Variants in ST7 observed in about 807,000 individuals in gnomAD.
The protein encoded by ST7 is suppression of tumorigenicity 7, also known as suppressor of tumorigenicity 7 protein.
ST7 carries 28 observed loss-of-function variants against 78.7 expected under a neutral mutation model. The ratio of observed to expected loss-of-function variants is 0.36; its 90% confidence interval spans 0.26 to 0.49. The LOEUF is 0.49. Among genes scored for constraint, ST7 ranks in the 20% least tolerant of loss-of-function variants. The pLI, the probability that ST7 is intolerant of heterozygous loss-of-function variation, is 0.99. For synonymous variants in ST7, 247 were observed against 249.6 expected (o/e 0.99, Z 0.10); for missense variants, 418 against 696.0 (o/e 0.60, Z 4.49).
At chr7:116,990,312 T>TA (rs1794369095) in intron 1 of ST7, among the ~76,000 whole-genome samples, 1 of 152,104 alleles carries the variant, frequency 6.6e-6, no homozygotes, top group African/African-American at 2.4e-5. Flanking sequence ...TCCTTCAGCT[T>TA]TCCTCTTTAT....
chr7:117,200,663 C>T (rs1389112460), intron 12 of ST7, among the ~76,000 whole-genome samples: 1 of 152,022 alleles, frequency 6.6e-6, no homozygotes, highest in Admixed American at 6.6e-5. Flanking sequence ...AGCAGCGGGG[C>T]AGACTGGGCT....
intron 15 of ST7, chr7:117,223,073 G>A (rs983960876): frequency 1.4e-5 from 12 of 866,020 alleles, no homozygotes; most frequent in African/African-American, 1.7e-5. Context: ...CCGGAAACTC[G>A]GCAGCCCTTC....
At chr7:117,023,709 A>AG (rs1796043748) in intron 1 of ST7, among the ~76,000 whole-genome samples, 1 of 152,176 alleles carries the variant, frequency 6.6e-6, no homozygotes, top group Non-Finnish European at 1.5e-5. Context: ...AGGTGTAAGA[A>AG]GAAAGTACTA....
At chr7:116,960,556 A>T (rs1435891620) in intron 1 of ST7, among the ~76,000 whole-genome samples, 1 of 152,168 alleles carries the variant, frequency 6.6e-6, no homozygotes, top group Non-Finnish European at 1.5e-5. Context: ...TTGCCTGCCA[A>T]TATTATTCTG....
chr7:117,002,197 C>CAG (rs1395924429), intron 1 of ST7, among the ~76,000 whole-genome samples: 1 of 152,124 alleles, frequency 6.6e-6, no homozygotes, highest in African/African-American at 2.4e-5. Context: ...CACTGTACTC[C>CAG]AGCCTGGGCG....
chr7:117,144,612 A>C (rs1156745179), intron 9 of ST7, among the ~76,000 whole-genome samples: 2 of 150,868 alleles, frequency 1.3e-5, no homozygotes, highest in Non-Finnish European at 3.0e-5. Flanking sequence ...CAGCCTAGGC[A>C]ACAGAGTAAG....
At chr7:117,140,612 CAGTT>C (rs976384997) in intron 9 of ST7, among the ~76,000 whole-genome samples, 54 of 152,110 alleles carry the variant, frequency 3.6e-4, no homozygotes, top group African/African-American at 1.3e-3. Flanking sequence ...ATTGATCACT[CAGTT>C]AATTTCTCTC....
At chr7:117,206,025 C>T (rs1432080629) in intron 12 of ST7, among the ~76,000 whole-genome samples, 1 of 152,150 alleles carries the variant, frequency 6.6e-6, no homozygotes, top group Non-Finnish European at 1.5e-5. Context: ...CCATGCTTTT[C>T]TAATTTAAAT....
At chr7:117,120,745 A>T (rs913592066) in intron 3 of ST7, among the ~76,000 whole-genome samples, 3 of 152,144 alleles carry the variant, frequency 2.0e-5, no homozygotes, top group African/African-American at 7.2e-5. Flanking sequence ...ATCAAATTAC[A>T]TTGTAATTTT....
intron 1 of ST7, among the ~76,000 whole-genome samples, chr7:117,067,177 C>G (rs906582076): frequency 2.6e-5 from 4 of 151,904 alleles, no homozygotes; most frequent in African/African-American, 9.7e-5. Flanking sequence ...ACTTTTTGGG[C>G]TTATGAACGA....
At chr7:117,116,188 A>G (rs1231653981) in intron 2 of ST7, among the ~76,000 whole-genome samples, 1 of 152,208 alleles carries the variant, frequency 6.6e-6, no homozygotes, top group Non-Finnish European at 1.5e-5. Flanking sequence ...CAACAGGAAA[A>G]AAGCGCAGGA....
At chr7:117,040,431 C>T (rs1267652543) in intron 1 of ST7, among the ~76,000 whole-genome samples, 1 of 152,150 alleles carries the variant, frequency 6.6e-6, no homozygotes, top group Non-Finnish European at 1.5e-5. Context: ...CACACACACA[C>T]ACACCCTTTT....
At chr7:117,055,509 T>C (rs1329793434) in intron 1 of ST7, among the ~76,000 whole-genome samples, 3 of 152,162 alleles carry the variant, frequency 2.0e-5, no homozygotes, top group Admixed American at 2.0e-4. Context: ...GAAACTTAGG[T>C]GCAGATAAAT....
rs142409875 is a variant in ST7 at position 117,194,294 on chromosome 7, A to T, written c.1254+3358A>T. 3.1e-3 allele frequency among the ~76,000 whole-genome samples: 466 copies of T among 152,324 alleles called. 4 individuals carry two copies. The highest frequency in any genetic ancestry group is 0.011 in the African/African-American group (452 of 41,572). On this transcript the variant is annotated intron_variant, in intron 12 of 15. Transcript: ENST00000323984. ...TGTGAGATTCTTCAGTACCCTTCATAATCTGACCCAACTTGTTTTTCATTT... is the reference window on the plus strand; with the variant it reads ...TGTGAGATTCTTCAGTACCCTTCATTATCTGACCCAACTTGTTTTTCATTT...
chr7:117,208,165 G>A (rs1013273923), intron 12 of ST7, among the ~76,000 whole-genome samples: 15 of 152,092 alleles, frequency 9.9e-5, no homozygotes, highest in African/African-American at 2.9e-4. Context: ...TTATTTTTCC[G>A]AAAAGATTTT....
rs560248712 is a variant in ST7 at position 117,052,296 on chromosome 7, G to T, written c.152-47466G>T. On this transcript the variant is annotated intron_variant, in intron 1 of 15. Coordinates refer to ENST00000323984, the MANE Select transcript of ST7 (RefSeq NM_001369598.1). ...GATTATCTTTCCTCCAGGACCTGTTGTACTAGCGCCTGAACTCTATTTATG... is the reference window on the plus strand; with the variant it reads ...GATTATCTTTCCTCCAGGACCTGTTTTACTAGCGCCTGAACTCTATTTATG... Among the ~76,000 whole-genome samples, 29 of 152,288 alleles carry T rather than the reference G, an allele frequency of 1.9e-4. No homozygotes were observed. In the East Asian group the frequency reaches 5.2e-3, roughly 27 times the overall value.
intron 1 of ST7, among the ~76,000 whole-genome samples, chr7:117,038,737 C>T (rs1797039764): frequency 6.6e-6 from 1 of 152,068 alleles, no homozygotes; most frequent in South Asian, 2.1e-4. Context: ...ACACTATAGG[C>T]AGATACACAG....
chr7:117,222,347 G>A (rs1793153796), intron 15 of ST7, among the ~76,000 whole-genome samples: 1 of 152,208 alleles, frequency 6.6e-6, no homozygotes, highest in Non-Finnish European at 1.5e-5. Flanking sequence ...GGAAATCCTA[G>A]CAAATGAAAA....
intron 2 of ST7, 62 bp downstream of exon 2, chr7:117,099,906 T>C: frequency 7.5e-7 from 1 of 1,338,958 alleles, no homozygotes; most frequent in Non-Finnish European, 1.0e-6. Flanking sequence ...TATTAGTGTA[T>C]GTACAGTAAA....
Sources: gnomAD v4.1 joint callset for allele counts (sites outside exome capture counted in the v4.1 genomes callset) on GRCh38, gnomAD v4.1.1 for gene constraint, MANE v1.5 for transcripts, NCBI Gene and HGNC (gene_info 2026-07-23, HGNC 2026-07-21) for gene names.